The following PKHD1 variants were observed in gnomAD, a reference collection of about 807,000 sequenced individuals.
PKHD1 encodes the protein PKHD1 ciliary IPT domain containing fibrocystin/polyductin.
Under a neutral mutation model 412.0 loss-of-function variants are expected in PKHD1, and 291 were observed. That is an observed-to-expected ratio of 0.71 (90% CI 0.64 to 0.78). PKHD1 has a LOEUF of 0.78. PKHD1 is among the 30% of genes least tolerant of loss of function. PKHD1 has a pLI of 0.00. For synonymous variants in PKHD1, 1,777 were observed against 1,821.5 expected, an observed-to-expected ratio of 0.98 and a Z score of 0.62; for missense variants, 4,825 against 4,950.7, an observed-to-expected ratio of 0.97 and a Z score of 0.76.
chr6:51,831,062 T>C, intron 51 of PKHD1, 73 bp from the exon 52 acceptor site: 1 of 1,157,436 alleles, frequency 8.6e-7, no homozygotes, highest in South Asian at 1.3e-5. Context: ...TATTTTAGGA[T>C]GCTAGTGGTA....
chr6:51,933,913 A>G (rs1321627422), intron 37 of PKHD1, among the ~76,000 whole-genome samples, 197 bp downstream of exon 37: 1 of 152,240 alleles, frequency 6.6e-6, no homozygotes, highest in African/African-American at 2.4e-5. Context: ...CAGAAAGAGG[A>G]GCAAACAATT....
chr6:51,662,269 T>C (rs1316510717), intron 60 of PKHD1, among the ~76,000 whole-genome samples: 10 of 151,850 alleles, frequency 6.6e-5, no homozygotes, highest in Non-Finnish European at 1.2e-4. Context: ...AGCATGGTGA[T>C]TGCAGTTAAT....
At position 51,962,728 on chromosome 6, in the gene PKHD1, T is replaced by A. The variant is rs1437156604; in HGVS notation, c.5752-2702A>T. On this transcript the variant is annotated intron_variant, in intron 35 of 66. Coordinates refer to ENST00000371117, the MANE Select transcript of PKHD1 (RefSeq NM_138694.4). ...TCCCGGGATGCTCTTTCCCAAAAGA[T>A]CTGCATGGCTCACTCCCTTACTTAA... Among the ~76,000 whole-genome samples, 5 of 152,094 alleles carry A rather than the reference T, an allele frequency of 3.3e-5. No individual in the cohort carries two copies. In the East Asian group the frequency reaches 9.6e-4, roughly 29 times the overall value.
At chr6:51,908,411 G>A (rs1782456549) in intron 40 of PKHD1, among the ~76,000 whole-genome samples, 1 of 152,028 alleles carries the variant, frequency 6.6e-6, no homozygotes, top group South Asian at 2.1e-4. Context: ...CTGAACCCCT[G>A]GGGCACAGCC....
intron 55 of PKHD1, among the ~76,000 whole-genome samples, chr6:51,770,300 A>G (rs1328279740): frequency 1.3e-5 from 2 of 151,840 alleles, no homozygotes; most frequent in African/African-American, 2.4e-5. Flanking sequence ...TGAAGGCTTT[A>G]CTAATGTAAA....
chr6:51,799,182 C>T (rs1485998796), intron 52 of PKHD1, among the ~76,000 whole-genome samples: 7 of 152,102 alleles, frequency 4.6e-5, no homozygotes, highest in South Asian at 2.1e-4. Flanking sequence ...CACAAGCACA[C>T]GTGTGTACAC....
chr6:51,718,165 C>T (rs981374569), intron 60 of PKHD1, among the ~76,000 whole-genome samples: 2 of 152,184 alleles, frequency 1.3e-5, no homozygotes, highest in Non-Finnish European at 2.9e-5. Context: ...GAACTTAAGG[C>T]CTGAGGGCAG....
chr6:51,649,430 TA>T (rs1269034535), intron 61 of PKHD1, among the ~76,000 whole-genome samples: 19 of 152,286 alleles, frequency 1.2e-4, no homozygotes, highest in South Asian at 2.1e-4. Flanking sequence ...GAAAATGGAC[TA>T]GGGGGTAGGG....
intron 64 of PKHD1, among the ~76,000 whole-genome samples, chr6:51,633,458 C>T (rs1239021906): frequency 6.6e-6 from 1 of 151,996 alleles, no homozygotes; most frequent in Non-Finnish European, 1.5e-5. Flanking sequence ...CCAGGAACAA[C>T]CCAAATGTCC....
chr6:51,805,047 A>G (rs1328125235), intron 52 of PKHD1, among the ~76,000 whole-genome samples: 2 of 152,300 alleles, frequency 1.3e-5, no homozygotes, highest in East Asian at 3.9e-4. Context: ...CCAAAGGAAA[A>G]TAAATTATTC....
chr6:51,780,505 A>G (rs1470160482), intron 53 of PKHD1, among the ~76,000 whole-genome samples: 5 of 152,092 alleles, frequency 3.3e-5, no homozygotes, highest in Non-Finnish European at 5.9e-5. Context: ...ATAAATCAAT[A>G]TAAAACAGGT....
rs1055884975 is a variant in PKHD1 at position 51,973,477 on chromosome 6, C to T, written c.5752-13451G>A. Among the ~76,000 whole-genome samples the T allele has an allele frequency of 7.9e-5, 12 of 152,144 alleles. 1 individual carries two copies. In the South Asian group the frequency reaches 2.3e-3, roughly 29 times the overall value. ...TTTACGTGTCCTCAAAGGCAGAAAA[C>T]TCAGAATCTTTGGTGAATACTAAGC... On this transcript the variant is annotated intron_variant, in intron 35 of 66. Transcript: ENST00000371117.
intron 36 of PKHD1, among the ~76,000 whole-genome samples, chr6:51,951,625 A>T (rs1450218284): frequency 6.6e-6 from 1 of 152,196 alleles, no homozygotes; most frequent in Non-Finnish European, 1.5e-5. Flanking sequence ...ATTAATTTTA[A>T]AAATGAGAAT....
Position 51,764,162 on chromosome 6 carries a change from C to T in PKHD1, c.8642+8540G>A, listed in dbSNP as rs377175018. ...TCCCCTTCCTGTGTCCACGTGTACT[C>T]ATCTGACAGAGGGCTAATATCCAGA... On this transcript the variant is annotated intron_variant, in intron 55 of 66. Coordinates refer to ENST00000371117, the MANE Select transcript of PKHD1 (RefSeq NM_138694.4). 2.0e-5 allele frequency among the ~76,000 whole-genome samples: 3 copies of T among 146,848 alleles called. 1 individual carries two copies. In the South Asian group the frequency reaches 6.7e-4, roughly 33 times the overall value.
chr6:51,745,096 CTTATT>C (rs1046754723), intron 59 of PKHD1, among the ~76,000 whole-genome samples: 5 of 151,992 alleles, frequency 3.3e-5, no homozygotes, highest in Admixed American at 6.6e-5. Context: ...TTACAGAGAA[CTTATT>C]TTATTTCCCC....
chr6:52,029,123 C>G (rs1802661300), intron 29 of PKHD1, among the ~76,000 whole-genome samples: 1 of 152,138 alleles, frequency 6.6e-6, no homozygotes, highest in African/African-American at 2.4e-5. Context: ...GGTCCACACA[C>G]TATCCTGATG....
intron 33 of PKHD1, among the ~76,000 whole-genome samples, chr6:52,021,826 T>C (rs991998722): frequency 6.6e-6 from 1 of 152,160 alleles, no homozygotes; most frequent in East Asian, 1.9e-4. Flanking sequence ...TCCATCACAA[T>C]AGCATTATCC....
intron 51 of PKHD1, among the ~76,000 whole-genome samples, chr6:51,832,614 T>C (rs1388298003): frequency 6.6e-6 from 1 of 151,472 alleles, no homozygotes; most frequent in Non-Finnish European, 1.5e-5. Flanking sequence ...CAGCAAGCAG[T>C]GGAAAAATAT....
At chr6:51,836,238 G>A (rs1274172183) in intron 51 of PKHD1, among the ~76,000 whole-genome samples, 166 bp downstream of exon 51, 1 of 152,028 alleles carries the variant, frequency 6.6e-6, no homozygotes, top group Admixed American at 6.6e-5. Context: ...TTGACATGCA[G>A]ATACATATTT....
Sources: gnomAD v4.1 joint callset for allele counts (sites outside exome capture counted in the v4.1 genomes callset) on GRCh38, gnomAD v4.1.1 for gene constraint, MANE v1.5 for transcripts, NCBI Gene and HGNC (gene_info 2026-07-23, HGNC 2026-07-21) for gene names.